The following PKD1L1 variants were observed in gnomAD, a reference collection of about 807,000 sequenced individuals.
The protein encoded by PKD1L1 is polycystin-1-like protein 1.
PKD1L1 carries 236 observed loss-of-function variants against 323.4 expected under a neutral mutation model. The ratio of observed to expected loss-of-function variants is 0.73; its 90% CI spans 0.66 to 0.81. The LOEUF (loss-of-function observed/expected upper bound fraction) is 0.81. PKD1L1 is among the 40% of genes least tolerant of loss of function. The pLI, the probability that PKD1L1 is intolerant of heterozygous loss-of-function variation, is 0.00. For synonymous variants in PKD1L1, 1,344 were observed against 1,335.0 expected, an observed-to-expected ratio of 1.01 and a Z score of -0.15; for missense variants, 3,320 against 3,508.0, an observed-to-expected ratio of 0.95 and a Z score of 1.35.
intron 4 of PKD1L1, among the ~76,000 whole-genome samples, chr7:47,934,239 A>T (rs1787825567): frequency 6.6e-6 from 1 of 152,240 alleles, no homozygotes; most frequent in African/African-American, 2.4e-5. Context: ...CATGTAGCTC[A>T]TGGCTTTTGT....
chr7:47,881,632 C>A (rs74384811), intron 20 of PKD1L1, among the ~76,000 whole-genome samples: 1 of 152,160 alleles, frequency 6.6e-6, no homozygotes. Context: ...AAGGTGCGCA[C>A]CAAGGTGTCT....
chr7:47,893,299 G>C (rs888869488), intron 15 of PKD1L1, among the ~76,000 whole-genome samples: 3 of 151,842 alleles, frequency 2.0e-5, no homozygotes, highest in African/African-American at 4.8e-5. Context: ...GTCCTTCCAC[G>C]GGTACAGAAG....
At chr7:47,957,493 C>T in the PKD1L1 span, among the ~76,000 whole-genome samples, 2 of 152,080 alleles carry the variant, frequency 1.3e-5, no homozygotes, top group Admixed American at 1.3e-4. Flanking sequence ...GATACAAAAT[C>T]TACAAACAAA....
At chr7:47,926,033 G>A (rs1373550004) in intron 7 of PKD1L1, among the ~76,000 whole-genome samples, 1 of 152,254 alleles carries the variant, frequency 6.6e-6, no homozygotes, top group Non-Finnish European at 1.5e-5. Context: ...GGCTGAGGCT[G>A]TAGGATCACT....
rs1237726380 is a variant in PKD1L1 at position 47,880,263 on chromosome 7, TACATATATA to T, written c.3520+456_3520+464del. On this transcript the variant is annotated intron_variant, in intron 21 of 56. Coordinates refer to ENST00000289672, the MANE Select transcript of PKD1L1 (RefSeq NM_138295.5). ...CATAAATAAGATATATATATATATA[TACATATATA>T]TATATATATATATTTTTTTTTTTTT... Among the ~76,000 whole-genome samples the T allele has an allele frequency of 5.7e-3, 506 of 88,108 alleles. 12 individuals carry two copies. The highest frequency in any genetic ancestry group is 0.016 in the African/African-American group (251 of 16,128). 57.8% of individuals were successfully genotyped at this position (88,108 alleles called of 152,430 possible).
intron 46 of PKD1L1, chr7:47,818,280 G>A: frequency 9.1e-7 from 1 of 1,094,452 alleles, no homozygotes; most frequent in Non-Finnish European, 1.2e-6. Context: ...GAAAAGGGCG[G>A]GAGGGTAGGA....
At chr7:47,897,062 T>C (rs937903422) in intron 14 of PKD1L1, among the ~76,000 whole-genome samples, 5 of 152,218 alleles carry the variant, frequency 3.3e-5, no homozygotes, top group African/African-American at 1.2e-4. Context: ...TGGCCCATCG[T>C]TACCTGCCTA....
chr7:47,818,012 C>G (rs755929677), intron 46 of PKD1L1: 1 of 1,358,552 alleles, frequency 7.4e-7, no homozygotes, highest in Non-Finnish European at 9.8e-7. Flanking sequence ...ATCTTTAGAA[C>G]TTAATCTTTG....
intron 7 of PKD1L1, among the ~76,000 whole-genome samples, chr7:47,919,489 A>G (rs1425992166): frequency 6.6e-6 from 1 of 152,190 alleles, no homozygotes; most frequent in Non-Finnish European, 1.5e-5. Context: ...TCCACAAGAC[A>G]GAGAAAGAGG....
chr7:47,790,544 G>A (rs1308498207), intron 56 of PKD1L1, among the ~76,000 whole-genome samples: 1 of 151,662 alleles, frequency 6.6e-6, no homozygotes. Flanking sequence ...TGTTAGCCAG[G>A]ATGGTCTTGA....
rs1178571326 is a variant in PKD1L1, at chr7:47,834,332, G to C, written c.6174+7C>G. ...AGATTAGCTGCTGCGCATAATGATTGATTTACCTTGCGTGGCTCCTGTGCG... is the reference window on the plus strand; with the variant it reads ...AGATTAGCTGCTGCGCATAATGATTCATTTACCTTGCGTGGCTCCTGTGCG... On this transcript the variant is annotated splice_region_variant and intron_variant, in intron 40 of 56. Transcript: ENST00000289672. 1 of 1,612,762 alleles carries C rather than the reference G, an allele frequency of 6.2e-7. No homozygotes were observed. Among genetic ancestry groups the C allele is most frequent in the Non-Finnish European group, 8.5e-7 (1 of 1,178,982 alleles).
At position 47,847,006 on chromosome 7, in the gene PKD1L1, A is replaced by T; in HGVS notation, c.5026T>A (p.Leu1676Ile). 3 of 1,613,144 alleles carry T rather than the reference A, an allele frequency of 1.9e-6. No individual in the cohort carries two copies. The highest frequency in any genetic ancestry group is 2.5e-6 in the Non-Finnish European group (3 of 1,179,596). ...ACTGTATAGTTCACTGCCTTAGCTA[A>T]ATATCTGTTTGGAGGTTTTCTGTCA... The part of the protein sequence containing the change: ...DYDRKPPNRY[L>I]AKAVNYTVHF... The change falls in exon 32 of 57, where the codon TTA becomes ATA. Residue 1676 changes from leucine (L) to isoleucine (I), a missense_variant. By Grantham distance (5) the Leu-to-Ile change is conservative. Coordinates refer to ENST00000289672, the MANE Select transcript of PKD1L1 (RefSeq NM_138295.5).
At position 47,885,980 on chromosome 7, in the gene PKD1L1, G is replaced by A. The variant is rs1256935236; in HGVS notation, c.2911C>T (p.Leu971=). The part of the protein sequence containing the change: ...GAISESSQLN[L]LPTEPGTADP... ...GCAGTGCCAGGCTCAGTGGGCAGCAGGTTTAACTGTGATGACTCTGAAATG... is the reference window on the plus strand; with the variant it reads ...GCAGTGCCAGGCTCAGTGGGCAGCAAGTTTAACTGTGATGACTCTGAAATG... Residue 971 remains leucine (L), a synonymous_variant, in exon 18 of 57, where the codon CTG becomes TTG. Coordinates refer to ENST00000289672, the MANE Select transcript of PKD1L1 (RefSeq NM_138295.5). The A allele has an allele frequency of 6.2e-7, 1 of 1,614,078 alleles. No individual in the cohort carries two copies. Among genetic ancestry groups the A allele is most frequent in the African/African-American group, 1.3e-5 (1 of 74,932 alleles).
intron 8 of PKD1L1, 57 bp from the exon 9 acceptor site, chr7:47,908,307 T>A: frequency 6.6e-7 from 1 of 1,506,200 alleles, no homozygotes; most frequent in Non-Finnish European, 9.2e-7. Flanking sequence ...AGCATAACAG[T>A]TAACATTTGT....
Position 47,943,580 on chromosome 7 carries a change from AC to A in PKD1L1, c.45-70del. 2.4e-6 allele frequency: 3 copies of A among 1,251,580 alleles called. No individual in the cohort carries two copies. The South Asian group carries it at 3.8e-5, about 16-fold the overall frequency. The allele number at this position is 1,251,580 out of a possible 1,614,324, so 77.5% of individuals were successfully genotyped here. ...ATCGTTTAATCACAGACATCCTGTGACCACTCTTCCATCCATATCCATATTT... is the reference window on the plus strand; with the variant it reads ...ATCGTTTAATCACAGACATCCTGTGACACTCTTCCATCCATATCCATATTT... On this transcript the variant is annotated intron_variant, in intron 1 of 56. Transcript: ENST00000289672.
intron 50 of PKD1L1, 56 bp downstream of exon 50, chr7:47,811,761 G>C (rs1784901258): frequency 7.0e-7 from 1 of 1,433,692 alleles, no homozygotes; most frequent in Non-Finnish European, 9.6e-7. Flanking sequence ...CCCAGCCCAG[G>C]TGAAGCCCCA....
intron 56 of PKD1L1, among the ~76,000 whole-genome samples, chr7:47,776,567 G>A (rs1786573427): frequency 6.6e-6 from 1 of 152,152 alleles, no homozygotes; most frequent in Non-Finnish European, 1.5e-5. Flanking sequence ...AGATGGCTGA[G>A]GAATTTTTTT....
At chr7:47,810,765 G>T (rs919571606) in intron 50 of PKD1L1, among the ~76,000 whole-genome samples, 1 of 152,206 alleles carries the variant, frequency 6.6e-6, no homozygotes, top group Non-Finnish European at 1.5e-5. Context: ...GTGACTTCTG[G>T]TGTTTTGGAT....
At chr7:47,845,178 A>C (rs927165084) in intron 32 of PKD1L1, 100 bp from the exon 33 acceptor site, 1 of 929,498 alleles carries the variant, frequency 1.1e-6, no homozygotes, top group South Asian at 1.8e-5. Context: ...AGGAAGAAAG[A>C]GTGCAATAAT....
Sources: gnomAD v4.1 joint callset for allele counts (sites outside exome capture counted in the v4.1 genomes callset) on GRCh38, gnomAD v4.1.1 for gene constraint, MANE v1.5 for transcripts, NCBI Gene and HGNC (gene_info 2026-07-23, HGNC 2026-07-21) for gene names.